The following UCHL5 variants were observed in gnomAD, a reference collection of about 807,000 sequenced individuals.
UCHL5 encodes the protein ubiquitin carboxyl-terminal hydrolase isozyme L5.
Under a neutral mutation model 53.8 loss-of-function variants are expected in UCHL5, and 34 were observed. The observed-to-expected ratio is 0.63, with a 90% CI of 0.48 to 0.84. The LOEUF is 0.84. UCHL5 is among the 40% of genes least tolerant of loss of function. The pLI, the probability that UCHL5 is intolerant of heterozygous loss-of-function variation, is 0.00. For missense variants in UCHL5, 290 were observed against 385.6 expected (o/e 0.75, Z 2.08); for synonymous variants, 111 against 126.3 (o/e 0.88, Z 0.81).
At chr1:193,027,826 C>T (rs952229201) in intron 7 of UCHL5, 153 of 1,147,004 alleles carry the variant, frequency 1.3e-4, no homozygotes, top group Non-Finnish European at 1.7e-4. Flanking sequence ...TTAACCCAAT[C>T]AAAAGTAGAT....
chr1:193,020,406 TAG>T (rs1261996073), intron 10 of UCHL5: 2 of 1,546,662 alleles, frequency 1.3e-6, no homozygotes, highest in Non-Finnish European at 1.7e-6. Flanking sequence ...CCAGTTGCAT[TAG>T]AATCACTTGG....
At chr1:193,026,547 A>G (rs1659314475) in intron 7 of UCHL5, among the ~76,000 whole-genome samples, 1 of 152,218 alleles carries the variant, frequency 6.6e-6, no homozygotes, top group Non-Finnish European at 1.5e-5. Flanking sequence ...ACAATGAAGT[A>G]TCACTATACA....
At chr1:193,049,901 A>T (rs1277723063) in intron 2 of UCHL5, 50 bp from the exon 3 acceptor site, 1 of 1,456,178 alleles carries the variant, frequency 6.9e-7, no homozygotes, top group African/African-American at 1.4e-5. Flanking sequence ...TTCTTTCATA[A>T]TACATTGTTA....
intron 3 of UCHL5, among the ~76,000 whole-genome samples, chr1:193,045,047 T>TTTA (rs1666921306): frequency 6.6e-6 from 1 of 152,214 alleles, no homozygotes; most frequent in East Asian, 1.9e-4. Flanking sequence ...TTTTTCTTTC[T>TTTA]TTATAGAGTA....
intron 7 of UCHL5, among the ~76,000 whole-genome samples, chr1:193,024,927 C>G (rs1267304019): frequency 6.6e-6 from 1 of 152,088 alleles, no homozygotes; most frequent in Non-Finnish European, 1.5e-5. Flanking sequence ...ATGTCCCTAT[C>G]CCTGCCAGTA....
intron 1 of UCHL5, among the ~76,000 whole-genome samples, chr1:193,058,295 C>T (rs1671428203): frequency 6.6e-6 from 1 of 152,128 alleles, no homozygotes; most frequent in Non-Finnish European, 1.5e-5. Flanking sequence ...ACAACATATG[C>T]TTGATAAATG....
chr1:193,048,582 G>C (rs181902163), intron 3 of UCHL5, among the ~76,000 whole-genome samples: 35 of 152,300 alleles, frequency 2.3e-4, no homozygotes, highest in Admixed American at 8.5e-4. Flanking sequence ...TACTGTCAAA[G>C]AATATATTTA....
rs1395734830 is a variant in UCHL5, at chr1:193,049,754, C to CA, written c.237dup (p.Ala80CysfsTer2). The stretch of plus-strand genomic sequence containing the variant: ...GTATCCAAGGACCATACCTGCTTAG[C>CA]AAAAAATATCGTGTCAAGTCGGGAG... On this transcript the variant is annotated frameshift_variant, in exon 3 of 11. Coordinates refer to ENST00000367454, the MANE Select transcript of UCHL5 (RefSeq NM_001199261.3). LOFTEE classifies it high-confidence loss of function. The CA allele has an allele frequency of 1.2e-6, 2 of 1,609,904 alleles. No homozygotes were observed. Among genetic ancestry groups the CA allele is most frequent in the Admixed American group, 1.7e-5 (1 of 59,326 alleles).
chr1:193,049,991 T>C (rs1030492162), intron 2 of UCHL5, 140 bp from the exon 3 acceptor site: 4 of 663,958 alleles, frequency 6.0e-6, no homozygotes, highest in Non-Finnish European at 9.7e-6. Flanking sequence ...AGATCACTAT[T>C]GCCATTCATA....
chr1:193,033,186 AC>A (rs1558069340), intron 3 of UCHL5, among the ~76,000 whole-genome samples: 2 of 152,232 alleles, frequency 1.3e-5, no homozygotes, highest in African/African-American at 4.8e-5. Context: ...ACCATGGAAT[AC>A]TATGTGGCCA....
chr1:193,057,702 C>T (rs1206185935), intron 1 of UCHL5, among the ~76,000 whole-genome samples: 2 of 152,206 alleles, frequency 1.3e-5, no homozygotes, highest in African/African-American at 4.8e-5. Context: ...AGTTTCAGAT[C>T]CAAATAAATA....
At chr1:193,053,562 C>T (rs1669731306) in intron 1 of UCHL5, among the ~76,000 whole-genome samples, 1 of 152,140 alleles carries the variant, frequency 6.6e-6, no homozygotes, top group South Asian at 2.1e-4. Context: ...AGACCTACAT[C>T]CTGATCCCAG....
intron 3 of UCHL5, among the ~76,000 whole-genome samples, chr1:193,048,645 A>G (rs1488350251): frequency 2.0e-5 from 3 of 152,228 alleles, no homozygotes; most frequent in Non-Finnish European, 4.4e-5. Flanking sequence ...TGTGAGACAG[A>G]ACTTTTTTTA....
At chr1:193,053,922 C>A (rs1328876776) in intron 1 of UCHL5, among the ~76,000 whole-genome samples, 2 of 148,498 alleles carry the variant, frequency 1.3e-5, no homozygotes, top group African/African-American at 2.5e-5. Flanking sequence ...ACATACAATG[C>A]AAAAACTGTA....
At chr1:193,026,089 CAA>C (rs200994694) in intron 7 of UCHL5, among the ~76,000 whole-genome samples, 35 of 64,340 alleles carry the variant, frequency 5.4e-4, no homozygotes, top group Admixed American at 1.0e-3. Context: ...TATGCATAGG[CAA>C]AAAAAAAAAA....
At chr1:193,019,412 C>T (rs1275986367) in intron 10 of UCHL5, among the ~76,000 whole-genome samples, 1 of 151,554 alleles carries the variant, frequency 6.6e-6, no homozygotes, top group African/African-American at 2.4e-5. Flanking sequence ...TAAAACATTT[C>T]AACAATTCCA....
chr1:193,022,664 CAAAAA>C (rs1291548226), intron 9 of UCHL5, among the ~76,000 whole-genome samples: 2 of 53,978 alleles, frequency 3.7e-5, no homozygotes, highest in South Asian at 5.8e-4. Flanking sequence ...AGACTCTGTC[CAAAAA>C]AAAAAAAAAA....
chr1:193,056,816 A>G (rs557971105), intron 1 of UCHL5, among the ~76,000 whole-genome samples: 6 of 152,354 alleles, frequency 3.9e-5, no homozygotes, highest in African/African-American at 1.4e-4. Flanking sequence ...GATGGAAATA[A>G]TTGGAATAAA....
chr1:193,050,108 C>T (rs1009021672), intron 2 of UCHL5, among the ~76,000 whole-genome samples: 14 of 152,144 alleles, frequency 9.2e-5, no homozygotes, highest in Non-Finnish European at 1.5e-4. Context: ...CTATTCATTT[C>T]TACCTGATAT....
Sources: allele counts gnomAD v4.1 joint callset (sites outside exome capture counted in the v4.1 genomes callset), GRCh38; gene constraint gnomAD v4.1.1; transcripts MANE v1.5; gene names NCBI Gene and HGNC (gene_info 2026-07-23, HGNC 2026-07-21).